NSRP1: variants seen among roughly 807,000 people sequenced by gnomAD.
NSRP1 encodes nuclear speckle splicing regulatory protein 1.
A neutral mutation model predicts 54.7 loss-of-function variants in NSRP1; 24 were observed. The observed-to-expected ratio is 0.44, with a 90% confidence interval of 0.32 to 0.62. The LOEUF (loss-of-function observed/expected upper bound fraction) is 0.62, where lower values mean the gene tolerates loss of function less well. Among genes scored for constraint, NSRP1 ranks in the 20% least tolerant of loss-of-function variants. NSRP1 has a pLI of 0.06. For synonymous variants in NSRP1, 210 were observed against 213.8 expected (o/e 0.98, Z 0.15); for missense variants, 596 against 651.2 (o/e 0.92, Z 0.92).
At chr17:30,135,677 T>C (rs2071744456) in intron 2 of NSRP1, among the ~76,000 whole-genome samples, 2 of 150,090 alleles carry the variant, frequency 1.3e-5, no homozygotes, top group East Asian at 2.1e-4. Flanking sequence ...GGTTTCACCA[T>C]GTTAGCCAGG....
intron 2 of NSRP1, among the ~76,000 whole-genome samples, chr17:30,151,918 C>T (rs565470016): frequency 6.6e-6 from 1 of 150,494 alleles, no homozygotes; most frequent in Non-Finnish European, 1.5e-5. Context: ...TACAGGCATG[C>T]GCCACCACGC....
In NSRP1 at chr17:30,116,855, G is replaced by A. The variant is rs1048982966; in HGVS notation, c.12G>A (p.Pro4=). The A allele has an allele frequency of 1.3e-6, 2 of 1,575,910 alleles. No individual in the cohort carries two copies. Among genetic ancestry groups the A allele is most frequent in the Non-Finnish European group, 1.7e-6 (2 of 1,160,330 alleles). The part of the protein sequence containing the change: MAI[P]GRQYGLILPK... ...GACACGGGAGCAAGATGGCGATTCC[G>A]GGCAGGCAGTGAGTGATCCGGGAGT... Residue 4 remains proline (P), a synonymous_variant, in exon 1 of 7, where the codon CCG becomes CCA. Transcript: ENST00000247026.
intron 2 of NSRP1, among the ~76,000 whole-genome samples, chr17:30,127,448 T>C (rs1451449876): frequency 2.0e-5 from 3 of 152,212 alleles, no homozygotes; most frequent in Non-Finnish European, 2.9e-5. Context: ...AAGGTTTTGC[T>C]CTGCTGCCCA....
At chr17:30,178,732 A>G (rs1000860394) in intron 4 of NSRP1, among the ~76,000 whole-genome samples, 1 of 152,186 alleles carries the variant, frequency 6.6e-6, no homozygotes, top group African/African-American at 2.4e-5. Flanking sequence ...GTGATGGTAT[A>G]AAATTATATT....
rs757522238 is a variant in NSRP1, at chr17:30,179,073, CT to C, written c.301-11del. Reference sequence around the variant, plus strand: ...CTATTTTTTTACTCTTTTCCTAAATCTTTTTTATTTCCTTAGCCCAAGTATA... The same window carrying C: ...CTATTTTTTTACTCTTTTCCTAAATCTTTTTATTTCCTTAGCCCAAGTATA... On this transcript the variant is annotated splice_polypyrimidine_tract_variant and intron_variant, in intron 4 of 6. Coordinates refer to ENST00000247026, the MANE Select transcript of NSRP1 (RefSeq NM_032141.4). 23 of 1,417,658 alleles carry C rather than the reference CT, an allele frequency of 1.6e-5. No individual in the cohort carries two copies. Among genetic ancestry groups the C allele is most frequent in the Non-Finnish European group, 2.1e-5 (23 of 1,070,470 alleles). 87.8% of individuals were successfully genotyped at this position (1,417,658 alleles called of 1,614,324 possible).
chr17:30,178,261 AT>A, intron 4 of NSRP1, 62 bp downstream of exon 4: 1 of 1,541,828 alleles, frequency 6.5e-7, no homozygotes, highest in Non-Finnish European at 8.7e-7. Flanking sequence ...TCTTAATCTT[AT>A]TTTAACATGA....
Position 30,184,809 on chromosome 17 carries a change from AG to A in NSRP1, c.814del (p.Val272SerfsTer2). 1 of 1,613,764 alleles carries A rather than the reference AG, an allele frequency of 6.2e-7. No homozygotes were observed. The highest frequency in any genetic ancestry group is 8.5e-7 in the Non-Finnish European group (1 of 1,179,848). ...EETRVNCRRE[K>X]VIETPENDFK... ...ACTAGAGTGAACTGCAGAAGGGAAA[AG>A]GTCATAGAGACCCCTGAGAATGACT... is the stretch of plus-strand genomic sequence containing the variant. On this transcript the variant is annotated frameshift_variant, in exon 7 of 7. Coordinates refer to ENST00000247026, the MANE Select transcript of NSRP1 (RefSeq NM_032141.4). LOFTEE classifies it high-confidence loss of function.
At chr17:30,172,664 T>C in intron 3 of NSRP1, 66 bp downstream of exon 3, 1 of 1,358,376 alleles carries the variant, frequency 7.4e-7, no homozygotes. Context: ...AGCATCAGTT[T>C]TGGTATCTAG....
intron 3 of NSRP1, among the ~76,000 whole-genome samples, chr17:30,177,375 T>C (rs201292548): frequency 6.8e-6 from 1 of 148,076 alleles, no homozygotes; most frequent in African/African-American, 2.5e-5. Flanking sequence ...CCCATCGCTT[T>C]AAAAAAAAAA....
chr17:30,120,436 G>A (rs183567618), intron 2 of NSRP1, among the ~76,000 whole-genome samples: 7 of 152,252 alleles, frequency 4.6e-5, no homozygotes, highest in Admixed American at 6.5e-5. Context: ...TAATTATGTC[G>A]TTGCATTAGT....
At chr17:30,180,252 G>A (rs1274181734) in intron 5 of NSRP1, among the ~76,000 whole-genome samples, 1 of 152,172 alleles carries the variant, frequency 6.6e-6, no homozygotes, top group Non-Finnish European at 1.5e-5. Flanking sequence ...TGCCTCCCAA[G>A]TTCAAGTGAT....
chr17:30,117,291 T>C (rs1450346577), intron 1 of NSRP1: 1 of 584,110 alleles, frequency 1.7e-6, no homozygotes, highest in South Asian at 2.1e-5. Context: ...CGCCCTTCCT[T>C]CTCGTTTTAG....
chr17:30,172,532 T>G lies in NSRP1; in HGVS notation c.115-10T>G. ...TGTTTAAAAAGTGACAATATATTTCTGTTTTACAGACCTCTGTGAGTGAAA... is the reference window on the plus strand; with the variant it reads ...TGTTTAAAAAGTGACAATATATTTCGGTTTTACAGACCTCTGTGAGTGAAA... On this transcript the variant is annotated splice_polypyrimidine_tract_variant and intron_variant, in intron 2 of 6. Coordinates refer to ENST00000247026, the MANE Select transcript of NSRP1 (RefSeq NM_032141.4). The G allele has an allele frequency of 6.3e-7, 1 of 1,596,152 alleles. No individual in the cohort carries two copies. The highest frequency in any genetic ancestry group is 8.5e-7 in the Non-Finnish European group (1 of 1,171,440).
At chr17:30,143,584 T>C (rs761056274) in intron 2 of NSRP1, among the ~76,000 whole-genome samples, 1 of 152,216 alleles carries the variant, frequency 6.6e-6, no homozygotes, top group Non-Finnish European at 1.5e-5. Context: ...CTTTGACTGT[T>C]CATTATAAGT....
Position 30,184,970 on chromosome 17 carries a change from T to C in NSRP1, c.973T>C (p.Ser325Pro). 2.5e-6 allele frequency: 4 copies of C among 1,613,552 alleles called. No individual in the cohort carries two copies. Among genetic ancestry groups the C allele is most frequent in the Non-Finnish European group, 2.5e-6 (3 of 1,179,924 alleles). Reference sequence around the variant, plus strand: ...GGAAGATCAGCACCAGCAGAAGCAATCCAGAGACCAAGAGAACCATTACAC... The same window carrying C: ...GGAAGATCAGCACCAGCAGAAGCAACCCAGAGACCAAGAGAACCATTACAC... The part of the protein sequence containing the change: ...KREDQHQQKQ[S>P]RDQENHYTDR... Residue 325 changes from serine (S) to proline (P), a missense_variant, in exon 7 of 7, where the codon TCC becomes CCC. By Grantham distance (74) the Ser-to-Pro change is moderately conservative. Transcript: ENST00000247026.
intron 2 of NSRP1, among the ~76,000 whole-genome samples, chr17:30,127,077 T>C (rs2071656719): frequency 6.6e-6 from 1 of 152,210 alleles, no homozygotes; most frequent in Non-Finnish European, 1.5e-5. Context: ...TTAATAAAAT[T>C]TTATTTACAA....
chr17:30,184,576 G>T (rs754622408), intron 6 of NSRP1, 39 bp from the exon 7 acceptor site: 2 of 1,518,216 alleles, frequency 1.3e-6, no homozygotes, highest in African/African-American at 2.8e-5. Flanking sequence ...CTGATAATGT[G>T]GCATTTTTTT....
chr17:30,125,560 T>C (rs530220606), intron 2 of NSRP1, among the ~76,000 whole-genome samples: 1 of 152,330 alleles, frequency 6.6e-6, no homozygotes, highest in East Asian at 1.9e-4. Context: ...TCCTCCTTTC[T>C]TTTTTGAGAC....
chr17:30,168,232 C>CA (rs1904807154), intron 2 of NSRP1: 1 of 152,134 alleles, frequency 6.6e-6, no homozygotes, highest in South Asian at 2.1e-4. Flanking sequence ...GTAGCCTTAA[C>CA]AATTAAAGGT....
Sources: allele counts gnomAD v4.1 joint callset (sites outside exome capture counted in the v4.1 genomes callset), GRCh38; gene constraint gnomAD v4.1.1; transcripts MANE v1.5; gene names NCBI Gene and HGNC (gene_info 2026-07-23, HGNC 2026-07-21).